The following SYN3 variants were observed in gnomAD, a reference collection of about 807,000 sequenced individuals.
The protein encoded by SYN3 is synapsin III, also known as synapsin-3.
Under a neutral mutation model 65.8 loss-of-function variants are expected in SYN3, and 35 were observed. That is an observed-to-expected ratio of 0.53 (90% CI 0.41 to 0.70). SYN3 has a LOEUF of 0.70. Among genes scored for constraint, SYN3 ranks in the 30% least tolerant of loss-of-function variants. The pLI, the probability that SYN3 is intolerant of heterozygous loss-of-function variation, is 0.00. For synonymous variants in SYN3, 270 were observed against 292.9 expected, an observed-to-expected ratio of 0.92 and a Z score of 0.80; for missense variants, 680 against 749.0, an observed-to-expected ratio of 0.91 and a Z score of 1.08.
intron 1 of SYN3, among the ~76,000 whole-genome samples, chr22:33,053,074 T>C (rs561038565): frequency 6.6e-5 from 10 of 152,326 alleles, no homozygotes; most frequent in Admixed American, 1.3e-4. Flanking sequence ...TCATCTCATT[T>C]ATTTCCTGCA....
intron 4 of SYN3, among the ~76,000 whole-genome samples, chr22:32,922,053 C>T (rs1198877576): frequency 6.6e-6 from 1 of 152,218 alleles, no homozygotes; most frequent in Non-Finnish European, 1.5e-5. Context: ...GCACTTAGCA[C>T]AGCCCTGGTG....
chr22:32,684,091 AC>A (rs1286727112), intron 6 of SYN3, among the ~76,000 whole-genome samples: 1 of 152,186 alleles, frequency 6.6e-6, no homozygotes, highest in Non-Finnish European at 1.5e-5. Context: ...AGATTCCCAA[AC>A]AACAGTGGTT....
At chr22:32,931,514 T>C in intron 3 of SYN3, 33 bp from the exon 4 acceptor site, 2 of 1,478,432 alleles carry the variant, frequency 1.4e-6, no homozygotes, top group Non-Finnish European at 9.5e-7. Flanking sequence ...AAAGGATTCA[T>C]CAAATACCAA....
Position 32,518,059 on chromosome 22 carries a change from G to A in SYN3, c.1594C>T (p.Pro532Ser). 6.6e-7 allele frequency: 1 copy of A among 1,525,884 alleles called. No homozygotes were observed. The highest frequency in any genetic ancestry group is 8.8e-7 in the Non-Finnish European group (1 of 1,139,188). The allele number at this position is 1,525,884 out of a possible 1,614,324, so 94.5% of individuals were successfully genotyped here. ...QGEESKKPAP[P>S]HPHLNKSQSL... The stretch of plus-strand genomic sequence containing the variant: ...AGCACTTACTTGAGATGCGGATGGG[G>A]TGGTGCTGGCTTCTTGGACTCTTCA... The change falls in exon 13 of 14, where the codon CCC becomes TCC. Residue 532 changes from proline to serine, a missense_variant. Physicochemically the swap from Pro to Ser is moderately conservative, Grantham distance 74 (BLOSUM62 -1). Coordinates refer to ENST00000358763, the MANE Select transcript of SYN3 (RefSeq NM_003490.4).
intron 6 of SYN3, among the ~76,000 whole-genome samples, chr22:32,643,062 G>A (rs1569117626): frequency 6.6e-6 from 1 of 152,024 alleles, no homozygotes; most frequent in East Asian, 1.9e-4. Flanking sequence ...TTTTGAGGAA[G>A]TTATTTGTTT....
chr22:32,691,706 C>T (rs767505614), intron 6 of SYN3, among the ~76,000 whole-genome samples: 1 of 151,460 alleles, frequency 6.6e-6, no homozygotes. Context: ...TCTTGTGAGC[C>T]GGCTTAGTTC....
chr22:32,944,672 C>T (rs113871969), intron 3 of SYN3, among the ~76,000 whole-genome samples: 6 of 152,248 alleles, frequency 3.9e-5, no homozygotes, highest in East Asian at 3.9e-4. Flanking sequence ...CTATTCAACA[C>T]AGTGTTGGAA....
At chr22:32,643,447 G>A (rs531724452) in intron 6 of SYN3, among the ~76,000 whole-genome samples, 109 of 148,774 alleles carry the variant, frequency 7.3e-4, no homozygotes, top group Non-Finnish European at 1.1e-3. Flanking sequence ...ACCTAATCTC[G>A]CCCCACAGGG....
At chr22:32,528,302 T>C (rs530443132) in intron 11 of SYN3, among the ~76,000 whole-genome samples, 1 of 152,272 alleles carries the variant, frequency 6.6e-6, no homozygotes, top group South Asian at 2.1e-4. Context: ...ATAGATTACT[T>C]TCTGTGGGGA....
At chr22:33,011,501 T>C (rs2053349755) in intron 1 of SYN3, among the ~76,000 whole-genome samples, 1 of 152,190 alleles carries the variant, frequency 6.6e-6, no homozygotes, top group African/African-American at 2.4e-5. Context: ...TTTGTGTCTA[T>C]GTTCATGACA....
intron 6 of SYN3, among the ~76,000 whole-genome samples, chr22:32,812,185 T>C (rs1249411867): frequency 6.6e-6 from 1 of 152,200 alleles, no homozygotes; most frequent in Non-Finnish European, 1.5e-5. Flanking sequence ...TTTTTCTGGC[T>C]CTAAGTTCCC....
At chr22:32,881,477 C>T (rs1042267254) in intron 4 of SYN3, among the ~76,000 whole-genome samples, 1 of 152,182 alleles carries the variant, frequency 6.6e-6, no homozygotes, top group African/African-American at 2.4e-5. Context: ...CACCCCCTCC[C>T]AAGCTGCTTC....
rs147914682 is a variant in SYN3, at chr22:33,000,234, C to A, written c.311+6118G>T. On this transcript the variant is annotated intron_variant, in intron 2 of 13. Coordinates refer to ENST00000358763, the MANE Select transcript of SYN3 (RefSeq NM_003490.4). Reference sequence around the variant, plus strand: ...CAAACAAACTGCTGATTGTCCCCCACCATCCCAGAGGAGAGCATCACCTTT... The same window carrying A: ...CAAACAAACTGCTGATTGTCCCCCAACATCCCAGAGGAGAGCATCACCTTT... 2.8e-3 allele frequency among the ~76,000 whole-genome samples: 425 copies of A among 152,268 alleles called. 5 individuals carry two copies. The highest frequency in any genetic ancestry group is 9.9e-3 in the African/African-American group (412 of 41,556).
At chr22:32,993,770 G>A (rs1173985346) in intron 2 of SYN3, among the ~76,000 whole-genome samples, 1 of 152,156 alleles carries the variant, frequency 6.6e-6, no homozygotes, top group African/African-American at 2.4e-5. Flanking sequence ...CAACCTCACT[G>A]TTTCACATAG....
chr22:32,996,540 C>A (rs1018116579), intron 2 of SYN3, among the ~76,000 whole-genome samples: 1 of 152,034 alleles, frequency 6.6e-6, no homozygotes, highest in South Asian at 2.1e-4. Flanking sequence ...TTCAAGCCCA[C>A]GCTACCACCT....
At chr22:32,671,786 T>G (rs1207606001) in intron 6 of SYN3, among the ~76,000 whole-genome samples, 2 of 125,306 alleles carry the variant, frequency 1.6e-5, no homozygotes, top group Admixed American at 7.8e-5. Context: ...CACACACACA[T>G]GCTCTCACAC....
chr22:32,935,600 G>A (rs1052820401), intron 3 of SYN3, among the ~76,000 whole-genome samples: 5 of 151,978 alleles, frequency 3.3e-5, no homozygotes, highest in East Asian at 1.9e-4. Flanking sequence ...ACAGGCACCC[G>A]CCACCGCGCC....
At chr22:32,604,922 T>A (rs5998555) in intron 6 of SYN3, among the ~76,000 whole-genome samples, 1 of 144,422 alleles carries the variant, frequency 6.9e-6, no homozygotes, top group African/African-American at 2.6e-5. Flanking sequence ...GGGAGAATGG[T>A]GTGAACCCGG....
chr22:32,562,890 A>G (rs558915331), intron 7 of SYN3, among the ~76,000 whole-genome samples: 2 of 152,256 alleles, frequency 1.3e-5, no homozygotes, highest in South Asian at 4.1e-4. Context: ...CACAGGATCA[A>G]CCAGGACAAG....
Sources: allele counts gnomAD v4.1 joint callset (sites outside exome capture counted in the v4.1 genomes callset), GRCh38; gene constraint gnomAD v4.1.1; transcripts MANE v1.5; gene names NCBI Gene and HGNC (gene_info 2026-07-23, HGNC 2026-07-21).